Variants in IGFBP4 observed in about 807,000 individuals in gnomAD.
IGFBP4 encodes the protein insulin-like growth factor-binding protein 4.
In IGFBP4, 9 loss-of-function variants were observed where a neutral mutation model predicts 25.8. The observed-to-expected ratio is 0.35, with a 90% CI of 0.21 to 0.61. The LOEUF is 0.61. Among genes scored for constraint, IGFBP4 ranks in the 20% least tolerant of loss-of-function variants. The probability of loss-of-function intolerance (pLI) is 0.77; values close to 1 mark genes in which losing one functional copy is unlikely to be tolerated. For missense variants in IGFBP4, 315 were observed against 365.3 expected (o/e 0.86, Z 1.12); for synonymous variants, 153 against 153.9 (o/e 0.99, Z 0.05).
At chr17:40,448,678 G>A (rs551243957) in intron 1 of IGFBP4, among the ~76,000 whole-genome samples, 97 of 152,340 alleles carry the variant, frequency 6.4e-4, no homozygotes, top group African/African-American at 2.2e-3. Flanking sequence ...GAGACTCAAT[G>A]CTATAACCCT....
intron 1 of IGFBP4, among the ~76,000 whole-genome samples, chr17:40,446,169 C>CAAAAAA (rs71152673): frequency 1.0e-5 from 1 of 99,268 alleles, no homozygotes; most frequent in Non-Finnish European, 2.0e-5. Flanking sequence ...CCCGTCTCTA[C>CAAAAAA]AAAAAAAAAA....
Position 40,454,041 on chromosome 17 carries a change from C to A in IGFBP4, c.621C>A (p.Asn207Lys). 6.2e-7 allele frequency: 1 copy of A among 1,612,506 alleles called. No homozygotes were observed. The highest frequency in any genetic ancestry group is 8.5e-7 in the Non-Finnish European group (1 of 1,179,394). ...YIIPIPNCDR[N>K]GNFHPKQCHP... is the part of the protein sequence containing the mutation. ...TCCCCATCCCCAACTGCGACCGCAA[C>A]GGCAACTTCCACCCCAAGCAGGTGG... is the stretch of plus-strand genomic sequence containing the variant. Residue 207 changes from asparagine to lysine, a missense_variant, in exon 3 of 4, where the codon AAC becomes AAA. Asn to Lys is a moderately conservative substitution (Grantham distance 94, BLOSUM62 0). Transcript: ENST00000269593.
At chr17:40,449,037 C>A (rs1171813874) in intron 1 of IGFBP4, among the ~76,000 whole-genome samples, 2 of 152,304 alleles carry the variant, frequency 1.3e-5, no homozygotes, top group Middle Eastern at 3.4e-3. Flanking sequence ...GCTACTCTCC[C>A]TATCTGGTGG....
rs2143731743 is a variant in IGFBP4, at chr17:40,443,590, G to T, written c.-146G>T. The T allele has an allele frequency of 4.7e-6, 1 of 212,182 alleles. No homozygotes were observed. The highest frequency in any genetic ancestry group is 1.7e-4 in the East Asian group (1 of 6,014). The allele number at this position is 212,182 out of a possible 1,614,324, so 13.1% of individuals were successfully genotyped here. On this transcript the variant is annotated 5_prime_UTR_variant, in exon 1 of 4. Coordinates refer to ENST00000269593, the MANE Select transcript of IGFBP4 (RefSeq NM_001552.3). ...CCGCTACGTCCCCGTTCGCCCGCCG[G>T]GCCGCCCCGTCTCCCCGCGCCCTCC...
At chr17:40,445,810 C>T (rs184164384) in intron 1 of IGFBP4, among the ~76,000 whole-genome samples, 49 of 152,234 alleles carry the variant, frequency 3.2e-4, no homozygotes, top group Admixed American at 2.6e-3. Context: ...AATCTCCATC[C>T]TCCACCAGCC....
chr17:40,444,220 C>G (rs2035627933), intron 1 of IGFBP4, 136 bp downstream of exon 1: 3 of 716,716 alleles, frequency 4.2e-6, no homozygotes, highest in Non-Finnish European at 7.1e-6. Flanking sequence ...TGGCAGGGCC[C>G]GACTGGCATG....
At chr17:40,447,850 G>A (rs1054811869) in intron 1 of IGFBP4, among the ~76,000 whole-genome samples, 2 of 152,186 alleles carry the variant, frequency 1.3e-5, no homozygotes, top group Admixed American at 6.5e-5. Flanking sequence ...AGCTGATGCT[G>A]GGACTTAGGG....
intron 1 of IGFBP4, among the ~76,000 whole-genome samples, chr17:40,448,337 C>T (rs1567800405): frequency 6.6e-6 from 1 of 152,272 alleles, no homozygotes; most frequent in Non-Finnish European, 1.5e-5. Flanking sequence ...CGTGTGGCCT[C>T]TTCTCTGGCG....
Position 40,444,916 on chromosome 17 carries a change from CACACACACACAGAG to C in IGFBP4, c.349+836_349+849del, listed in dbSNP as rs1488231615. On this transcript the variant is annotated intron_variant, in intron 1 of 3. Transcript: ENST00000269593. ...ACACACACACACACACACACACACA[CACACACACACAGAG>C]ACAGAGAGAGAGAGAGAGAGAGAGA... Among the ~76,000 whole-genome samples, 171 of 84,812 alleles carry C rather than the reference CACACACACACAGAG, an allele frequency of 2.0e-3. 1 individual carries two copies. The highest frequency in any genetic ancestry group is 7.8e-3 in the African/African-American group (161 of 20,572). The allele number at this position is 84,812 out of a possible 152,430, so 55.6% of individuals were successfully genotyped here. A position where few individuals can be genotyped will look rare whatever the true frequency, so the allele number is the denominator to read the frequency against.
At chr17:40,451,853 T>A (rs2143742335) in intron 1 of IGFBP4, among the ~76,000 whole-genome samples, 1 of 152,308 alleles carries the variant, frequency 6.6e-6, no homozygotes, top group Non-Finnish European at 1.5e-5. Flanking sequence ...TTTATTTTTT[T>A]AGAGACAGGG....
intron 1 of IGFBP4, among the ~76,000 whole-genome samples, chr17:40,449,918 C>T (rs1361725253): frequency 6.6e-6 from 1 of 152,184 alleles, no homozygotes; most frequent in African/African-American, 2.4e-5. Context: ...TTCCTCACTC[C>T]TTGAACTCCT....
intron 1 of IGFBP4, among the ~76,000 whole-genome samples, chr17:40,446,609 C>T (rs1038734753): frequency 3.9e-5 from 6 of 152,112 alleles, no homozygotes; most frequent in African/African-American, 1.4e-4. Context: ...GAGCGAGACT[C>T]TGTCTAAAGA....
chr17:40,452,089 C>T (rs138992597), intron 1 of IGFBP4, among the ~76,000 whole-genome samples: 1 of 152,302 alleles, frequency 6.6e-6, no homozygotes, highest in African/African-American at 2.4e-5. Context: ...CTTCCCTCCT[C>T]AGCCTCCCAA....
At chr17:40,444,288 A>C (rs530299553) in intron 1 of IGFBP4, among the ~76,000 whole-genome samples, 106 of 152,296 alleles carry the variant, frequency 7.0e-4, no homozygotes, top group Non-Finnish European at 9.6e-4. Context: ...GCCACCACCA[A>C]GGGAGACTGT....
At chr17:40,456,404 C>T (rs1455488229) in intron 3 of IGFBP4, 45 bp from the exon 4 acceptor site, 1 of 1,611,134 alleles carries the variant, frequency 6.2e-7, no homozygotes, top group African/African-American at 1.3e-5. Context: ...CTTGGGGTCT[C>T]TTTTCCTGCG....
Position 40,444,884 on chromosome 17 carries a change from A to AACACACACACACAC in IGFBP4, c.349+830_349+843dup, listed in dbSNP as rs756211064. Among the ~76,000 whole-genome samples the AACACACACACACAC allele has an allele frequency of 3.0e-4, 24 of 80,346 alleles. 1 individual carries two copies. Among genetic ancestry groups the AACACACACACACAC allele is most frequent in the South Asian group, 4.6e-4 (1 of 2,196 alleles). The allele number at this position is 80,346 out of a possible 152,430, so 52.7% of individuals were successfully genotyped here. A position where few individuals can be genotyped will look rare whatever the true frequency, so the allele number is the denominator to read the frequency against. On this transcript the variant is annotated intron_variant, in intron 1 of 3. Transcript: ENST00000269593. ...AGAGAGAGAGAGAGAGAGAGAGAGAAACACACACACACACACACACACACA... is the reference window on the plus strand; with the variant it reads ...AGAGAGAGAGAGAGAGAGAGAGAGAAACACACACACACACACACACACACACACACACACACACA...
In IGFBP4 at chr17:40,453,151, C is replaced by T. The variant is rs1403137108; in HGVS notation, c.507+9C>T. 4.5e-6 allele frequency: 7 copies of T among 1,538,780 alleles called. No individual in the cohort carries two copies. The highest frequency in any genetic ancestry group is 5.3e-6 in the Non-Finnish European group (6 of 1,139,796). ...AGGATGCCCGGCCTGTGGTAAGGACCTCCGATGCACAAATGTGCATGTGCA... is the reference window on the plus strand; with the variant it reads ...AGGATGCCCGGCCTGTGGTAAGGACTTCCGATGCACAAATGTGCATGTGCA... On this transcript the variant is annotated intron_variant, in intron 2 of 3. Coordinates refer to ENST00000269593, the MANE Select transcript of IGFBP4 (RefSeq NM_001552.3). This position sits in a 1 kb window ranked among gnomAD's most constrained non-coding sequence, Gnocchi z 4.0.
intron 3 of IGFBP4, 58 bp downstream of exon 3, chr17:40,454,120 C>T (rs1597676555): frequency 1.3e-6 from 2 of 1,573,478 alleles, no homozygotes; most frequent in African/African-American, 2.7e-5. Flanking sequence ...CATTTCCGGC[C>T]TCTCCGCAGG....
At chr17:40,447,580 G>T (rs1238930789) in intron 1 of IGFBP4, among the ~76,000 whole-genome samples, 1 of 152,126 alleles carries the variant, frequency 6.6e-6, no homozygotes, top group Non-Finnish European at 1.5e-5. Context: ...GGAGGGGGAG[G>T]GAGGAGCATG....
Sources: gnomAD v4.1 joint callset for allele counts (sites outside exome capture counted in the v4.1 genomes callset) on GRCh38, gnomAD v4.1.1 for gene constraint, Gnocchi (gnomAD v3.1) non-coding constraint, MANE v1.5 for transcripts, NCBI Gene and HGNC (gene_info 2026-07-23, HGNC 2026-07-21) for gene names.